Variants in PLA2G6 observed in about 807,000 individuals in gnomAD.
PLA2G6 encodes the protein 85/88 kDa calcium-independent phospholipase A2.
PLA2G6 carries 62 observed loss-of-function variants against 83.8 expected under a neutral mutation model. The ratio of observed to expected loss-of-function variants is 0.74; its 90% CI spans 0.60 to 0.91. PLA2G6 has a LOEUF of 0.91. Among genes scored for constraint, PLA2G6 ranks in the 40% least tolerant of loss-of-function variants. PLA2G6 has a pLI of 0.00. For missense variants in PLA2G6, 944 were observed against 1,102.0 expected (o/e 0.86, Z 2.03); for synonymous variants, 417 against 449.8 (o/e 0.93, Z 0.92).
chr22:38,162,470 A>G (rs2090057607), intron 2 of PLA2G6, among the ~76,000 whole-genome samples: 1 of 152,142 alleles, frequency 6.6e-6, no homozygotes, highest in African/African-American at 2.4e-5. Context: ...TTCCCTGTCA[A>G]TGGGGAAAAG....
chr22:38,126,469 G>T lies in PLA2G6; in HGVS notation c.1349-20C>A. ...GTAGTTCTGTGAGGCACAGAGCAGG[G>T]CATGCTGTGGTCAGGTGGGTCCCCA... is the stretch of plus-strand genomic sequence containing the variant. On this transcript the variant is annotated intron_variant, in intron 9 of 16. Transcript: ENST00000332509. The T allele has an allele frequency of 1.3e-6, 2 of 1,599,708 alleles. No homozygotes were observed. The highest frequency in any genetic ancestry group is 1.1e-5 in the South Asian group (1 of 90,842).
intron 10 of PLA2G6, among the ~76,000 whole-genome samples, chr22:38,125,086 T>C (rs918105980): frequency 6.6e-6 from 1 of 152,212 alleles, no homozygotes; most frequent in Non-Finnish European, 1.5e-5. Context: ...TGCAGCTGCC[T>C]CACCTCAGCC....
chr22:38,126,549 GC>G, intron 9 of PLA2G6, 100 bp from the exon 10 acceptor site: 1 of 824,960 alleles, frequency 1.2e-6, no homozygotes, highest in Non-Finnish European at 2.1e-6. Context: ...CTCGCCCACG[GC>G]CACGCCCTCA....
chr22:38,147,633 T>C (rs558375679), intron 2 of PLA2G6: 2 of 145,874 alleles, frequency 1.4e-5, no homozygotes, highest in South Asian at 2.3e-4. Context: ...CTCTGCCCCC[T>C]GGGTTCAAGT....
At chr22:38,119,448 A>T (rs1220967289) in intron 12 of PLA2G6, among the ~76,000 whole-genome samples, 1 of 152,210 alleles carries the variant, frequency 6.6e-6, no homozygotes, top group South Asian at 2.1e-4. Context: ...AAAAGACCTC[A>T]ATGTAAAAGG....
rs1351041325 is a variant in PLA2G6 at position 38,169,912 on chromosome 22, TA to T, written c.-45-442del. On this transcript the variant is annotated intron_variant, in intron 1 of 16. Transcript: ENST00000332509. ...ACCTTTCAGCACTCAAAGAGGCTAGTATGGACCAGACACAGTGGCTCAGGCA... is the reference window on the plus strand; with the variant it reads ...ACCTTTCAGCACTCAAAGAGGCTAGTTGGACCAGACACAGTGGCTCAGGCA... Among the ~76,000 whole-genome samples the T allele has an allele frequency of 4.6e-5, 7 of 152,314 alleles. No homozygotes were observed. The South Asian group carries it at 1.5e-3, about 32-fold the overall frequency.
intron 2 of PLA2G6, chr22:38,148,836 T>A: frequency 3.3e-5 from 10 of 305,190 alleles, no homozygotes; most frequent in Non-Finnish European, 5.4e-5. Context: ...TAAGGAAACA[T>A]CAAACTAGGC....
chr22:38,169,691 G>T (rs2090360112), intron 1 of PLA2G6, among the ~76,000 whole-genome samples: 1 of 152,222 alleles, frequency 6.6e-6, no homozygotes, highest in Non-Finnish European at 1.5e-5. Context: ...CTACCTAGAA[G>T]GCTGTCCCCC....
At chr22:38,121,603 T>G (rs2087533243) in intron 11 of PLA2G6, among the ~76,000 whole-genome samples, 1 of 152,000 alleles carries the variant, frequency 6.6e-6, no homozygotes, top group African/African-American at 2.4e-5. Flanking sequence ...AGGCAGTGAG[T>G]TCCCCAGGGC....
chr22:38,127,095 A>C, intron 9 of PLA2G6: 4 of 1,103,820 alleles, frequency 3.6e-6, no homozygotes, highest in Non-Finnish European at 4.5e-6. Context: ...CCTCCTGACA[A>C]GCAGCCCAGT....
rs368514303 is a variant in PLA2G6, at chr22:38,112,546, C to T, written c.2234G>A (p.Arg745Gln). 6.3e-5 allele frequency: 98 copies of T among 1,553,982 alleles called. No homozygotes were observed. The highest frequency in any genetic ancestry group is 6.0e-4 in the African/African-American group (44 of 73,086). Residue 745 changes from arginine to glutamine, a missense_variant, in exon 16 of 17, where the codon CGG (arginine) becomes CAG (glutamine). Coordinates refer to ENST00000332509, the MANE Select transcript of PLA2G6 (RefSeq NM_003560.4). Reference protein sequence around the residue: ...CTDPDGRAVDRARAWCEMVGI... With the variant: ...CTDPDGRAVDQARAWCEMVGI... ...GACCATCTCGCACCAGGCCCGTGCC[C>T]GGTCCACAGCCCGCCCGTCTGGATC...
rs1412214634 is a variant in PLA2G6 at position 38,145,670 on chromosome 22, G to A, written c.210-17C>T. 4 of 1,574,376 alleles carry A rather than the reference G, an allele frequency of 2.5e-6. No individual in the cohort carries two copies. The highest frequency in any genetic ancestry group is 3.5e-6 in the Non-Finnish European group (4 of 1,148,080). On this transcript the variant is annotated splice_polypyrimidine_tract_variant and intron_variant, in intron 2 of 16. Transcript: ENST00000332509. ...TGGAAGAGTCTGTAGAGCCAGGACA[G>A]AGGAGCAAGACCCGAAATGAGTAAG...
chr22:38,171,153 C>G (rs947764911), intron 1 of PLA2G6, among the ~76,000 whole-genome samples: 1 of 126,538 alleles, frequency 7.9e-6, no homozygotes, highest in African/African-American at 3.0e-5. Context: ...GCCTGGGCAA[C>G]AAGAGCGAAA....
Position 38,167,868 on chromosome 22 carries a change from G to A in PLA2G6, c.209+1350C>T, listed in dbSNP as rs140301743. The A allele has an allele frequency of 2.5e-3, 432 of 169,468 alleles. 2 individuals carry two copies. Among genetic ancestry groups the A allele is most frequent in the Non-Finnish European group, 3.9e-3 (270 of 68,438 alleles). The allele number at this position is 169,468 out of a possible 1,614,324, so 10.5% of individuals were successfully genotyped here. A position where few individuals can be genotyped will look rare whatever the true frequency, so the allele number is the denominator to read the frequency against. On this transcript the variant is annotated intron_variant, in intron 2 of 16. Transcript: ENST00000332509. Reference sequence around the variant, plus strand: ...TGCCATGCCTCTTTAGTCAGAATGAGTCCCCAGCTGCTTCCTTCAGCCTCA... The same window carrying A: ...TGCCATGCCTCTTTAGTCAGAATGAATCCCCAGCTGCTTCCTTCAGCCTCA...
intron 1 of PLA2G6, among the ~76,000 whole-genome samples, chr22:38,174,554 T>G (rs1039267200): frequency 2.0e-5 from 3 of 152,144 alleles, no homozygotes; most frequent in African/African-American, 7.2e-5. Context: ...CCAGTCCCTG[T>G]CTCGCCAAGT....
intron 1 of PLA2G6, among the ~76,000 whole-genome samples, chr22:38,176,051 CA>C (rs2145961128): frequency 6.6e-6 from 1 of 152,268 alleles, no homozygotes; most frequent in South Asian, 2.1e-4. Flanking sequence ...AGGGAAATAC[CA>C]TGCTCAAATC....
At chr22:38,138,227 T>C (rs2088674337) in intron 5 of PLA2G6, 1 of 152,810 alleles carries the variant, frequency 6.5e-6, no homozygotes, top group Non-Finnish European at 1.5e-5. Flanking sequence ...CATCACCTGG[T>C]GTCCACTCAG....
At chr22:38,141,431 CCA>C (rs1379368574) in intron 4 of PLA2G6, 2 of 152,212 alleles carry the variant, frequency 1.3e-5, no homozygotes, top group Non-Finnish European at 2.9e-5. Context: ...TTCATTACAA[CCA>C]CAGTGTACCC....
At chr22:38,166,682 T>TCATG (rs1036354106) in intron 2 of PLA2G6, among the ~76,000 whole-genome samples, 4 of 152,006 alleles carry the variant, frequency 2.6e-5, no homozygotes, top group Non-Finnish European at 4.4e-5. Context: ...TAAGCCAAGA[T>TCATG]CATGCCACTG....
Sources: allele counts gnomAD v4.1 joint callset (sites outside exome capture counted in the v4.1 genomes callset), GRCh38; gene constraint gnomAD v4.1.1; transcripts MANE v1.5; gene names NCBI Gene and HGNC (gene_info 2026-07-23, HGNC 2026-07-21).